The following ELAPOR2 variants were observed in gnomAD, a reference collection of about 807,000 sequenced individuals.
ELAPOR2 encodes endosome/lysosome-associated apoptosis and autophagy regulator family member 2.
ELAPOR2 carries 89 observed loss-of-function variants against 120.7 expected under a neutral mutation model. The observed-to-expected ratio is 0.74, with a 90% confidence interval of 0.62 to 0.88. The LOEUF (loss-of-function observed/expected upper bound fraction) is 0.88. Ranked by LOEUF, ELAPOR2 falls within the 40% of genes least tolerant of loss-of-function variation. The pLI is 0.00. For missense variants in ELAPOR2, 1,134 were observed against 1,251.6 expected (o/e 0.91, Z 1.42); for synonymous variants, 444 against 444.9 (o/e 1.00, Z 0.03).
chr7:87,007,697 T>C (rs1793527818), intron 1 of ELAPOR2, among the ~76,000 whole-genome samples: 1 of 152,172 alleles, frequency 6.6e-6, no homozygotes, highest in Non-Finnish European at 1.5e-5. Context: ...ATGATAAGCC[T>C]AGAACGGCTT....
At chr7:86,984,197 A>G (rs13234633) in intron 1 of ELAPOR2, among the ~76,000 whole-genome samples, 57,501 of 151,892 alleles carry the variant, frequency 0.38, 11,729 homozygotes, top group African/African-American at 0.53. Context: ...AGTCCTTAGA[A>G]ACTTAAAAAA....
intron 2 of ELAPOR2, among the ~76,000 whole-genome samples, chr7:86,962,108 A>G (rs533485588): frequency 6.6e-6 from 1 of 152,220 alleles, no homozygotes; most frequent in Non-Finnish European, 1.5e-5. Context: ...ACTTCTCATT[A>G]ACTTCACTCA....
chr7:87,025,062 G>A (rs1306806900), intron 1 of ELAPOR2, among the ~76,000 whole-genome samples: 1 of 151,154 alleles, frequency 6.6e-6, no homozygotes, highest in Non-Finnish European at 1.5e-5. Context: ...TAGGTCACCT[G>A]ATAAACCAAG....
chr7:87,042,947 G>C (rs1398659768), intron 1 of ELAPOR2, among the ~76,000 whole-genome samples: 2 of 152,156 alleles, frequency 1.3e-5, no homozygotes, highest in African/African-American at 4.8e-5. Context: ...CGATCCCACA[G>C]AAATACAAAC....
At chr7:86,897,443 T>G (rs1436821837) in intron 19 of ELAPOR2, 63 bp downstream of exon 19, 5 of 1,558,336 alleles carry the variant, frequency 3.2e-6, no homozygotes, top group Non-Finnish European at 1.7e-6. Context: ...TGAGTTTCTA[T>G]GATTTGATGC....
chr7:86,957,846 G>A (rs1791537249), intron 2 of ELAPOR2, among the ~76,000 whole-genome samples: 1 of 152,052 alleles, frequency 6.6e-6, no homozygotes, highest in Admixed American at 6.6e-5. Context: ...AGCCTGGGCA[G>A]CATGGCAAGA....
chr7:87,001,183 GAC>G (rs1309251740), intron 1 of ELAPOR2, among the ~76,000 whole-genome samples: 1 of 152,154 alleles, frequency 6.6e-6, no homozygotes, highest in Non-Finnish European at 1.5e-5. Flanking sequence ...CAAATAGTGA[GAC>G]ACGTGTGTTT....
At chr7:86,910,922 T>C (rs917683242) in intron 15 of ELAPOR2, among the ~76,000 whole-genome samples, 6 of 152,208 alleles carry the variant, frequency 3.9e-5, no homozygotes, top group South Asian at 2.1e-4. Flanking sequence ...CTCACCAGTA[T>C]ATTTTTTTTA....
intron 7 of ELAPOR2, among the ~76,000 whole-genome samples, chr7:86,938,421 T>C (rs996329962): frequency 6.6e-6 from 1 of 151,968 alleles, no homozygotes; most frequent in African/African-American, 2.4e-5. Flanking sequence ...ACACATGGAG[T>C]AGTATATCAC....
At chr7:86,984,047 T>C (rs1231999927) in intron 1 of ELAPOR2, among the ~76,000 whole-genome samples, 1 of 152,092 alleles carries the variant, frequency 6.6e-6, no homozygotes, top group Non-Finnish European at 1.5e-5. Context: ...GCAATCCTGG[T>C]CTCTGATAAA....
intron 1 of ELAPOR2, among the ~76,000 whole-genome samples, chr7:87,021,140 G>T (rs1181299745): frequency 6.6e-6 from 1 of 152,032 alleles, no homozygotes; most frequent in African/African-American, 2.4e-5. Context: ...ATAGAACTGG[G>T]ATTTAAACCC....
At chr7:87,002,296 A>C (rs1793342868) in intron 1 of ELAPOR2, among the ~76,000 whole-genome samples, 1 of 152,132 alleles carries the variant, frequency 6.6e-6, no homozygotes, top group African/African-American at 2.4e-5. Flanking sequence ...TCTTTCCTCT[A>C]TGCCCATGCA....
intron 1 of ELAPOR2, among the ~76,000 whole-genome samples, chr7:86,969,476 T>C (rs753415551): frequency 5.9e-5 from 9 of 152,298 alleles, no homozygotes; most frequent in East Asian, 1.9e-4. Flanking sequence ...CATATAGCAA[T>C]ATATCATTTT....
chr7:86,901,521 T>C (rs1788723608), intron 18 of ELAPOR2, among the ~76,000 whole-genome samples: 1 of 152,226 alleles, frequency 6.6e-6, no homozygotes, highest in Non-Finnish European at 1.5e-5. Context: ...TTATTAACTT[T>C]TTGCACAGTT....
intron 1 of ELAPOR2, among the ~76,000 whole-genome samples, chr7:87,038,462 A>C (rs1183032776): frequency 6.6e-6 from 1 of 152,226 alleles, no homozygotes; most frequent in Non-Finnish European, 1.5e-5. Flanking sequence ...AATCTCACAA[A>C]AAGTGAAATA....
rs762981487 is a variant in ELAPOR2, at chr7:86,913,138, C to A, written c.1798G>T (p.Val600Leu). 6.2e-7 allele frequency: 1 copy of A among 1,614,004 alleles called. No homozygotes were observed. Residue 600 changes from valine to leucine, a missense_variant, in exon 14 of 22, where the codon GTG becomes TTG. Val to Leu is a conservative substitution (Grantham distance 32, BLOSUM62 1). Around this residue, in one of 3 missense-constraint regions of ELAPOR2, gnomAD observed 831 missense variants for 867.6 expected, o/e 0.96. Coordinates refer to ENST00000450689, the MANE Select transcript of ELAPOR2 (RefSeq NM_001142749.3). The part of the protein sequence containing the change: ...SITATNAVDG[V>L]ASSCRACALG... ...GCACAGGCACGGCATGAGGACGCCACCCCATCAACTGCATTAGTGGCTGTG... is the reference window on the plus strand; with the variant it reads ...GCACAGGCACGGCATGAGGACGCCAACCCATCAACTGCATTAGTGGCTGTG...
At chr7:86,984,686 G>C (rs1326275371) in intron 1 of ELAPOR2, among the ~76,000 whole-genome samples, 1 of 152,188 alleles carries the variant, frequency 6.6e-6, no homozygotes, top group African/African-American at 2.4e-5. Context: ...ATTTAAAGCA[G>C]TGCGTAGAGG....
At chr7:86,938,709 C>A (rs969574554) in intron 7 of ELAPOR2, 99 bp downstream of exon 7, 4 of 1,245,500 alleles carry the variant, frequency 3.2e-6, no homozygotes, top group Non-Finnish European at 4.6e-6. Context: ...GTTTCAGGCA[C>A]CACTGCTGTC....
chr7:87,023,386 A>T (rs886715595), intron 1 of ELAPOR2, among the ~76,000 whole-genome samples: 1 of 152,036 alleles, frequency 6.6e-6, no homozygotes, highest in Non-Finnish European at 1.5e-5. Context: ...GATATGCGGC[A>T]TTATTTCTGA....
Sources: allele counts gnomAD v4.1 joint callset (sites outside exome capture counted in the v4.1 genomes callset), GRCh38; gene constraint gnomAD v4.1.1; regional missense constraint gnomAD v4.1.1; transcripts MANE v1.5; gene names NCBI Gene and HGNC (gene_info 2026-07-23, HGNC 2026-07-21).